Variants in GPCPD1 observed in about 807,000 individuals in gnomAD.
GPCPD1 encodes glycerophosphocholine phosphodiesterase GPCPD1.
A neutral mutation model predicts 89.2 loss-of-function variants in GPCPD1; 29 were observed. The ratio of observed to expected loss-of-function variants is 0.33; its 90% CI spans 0.24 to 0.44. The LOEUF is 0.44. Among genes scored for constraint, GPCPD1 ranks in the 20% least tolerant of loss-of-function variants. GPCPD1 has a pLI of 1.00. For synonymous variants in GPCPD1, 258 were observed against 266.3 expected (o/e 0.97, Z 0.30); for missense variants, 594 against 808.9 (o/e 0.73, Z 3.22).
At chr20:5,584,035 G>A (rs534371841) in intron 6 of GPCPD1, among the ~76,000 whole-genome samples, 1 of 152,320 alleles carries the variant, frequency 6.6e-6, no homozygotes, top group East Asian at 1.9e-4. Context: ...GCTTAACAAT[G>A]AAGATAAGTT....
At chr20:5,562,518 G>C (rs976304266) in intron 15 of GPCPD1, among the ~76,000 whole-genome samples, 1 of 152,174 alleles carries the variant, frequency 6.6e-6, no homozygotes, top group African/African-American at 2.4e-5. Flanking sequence ...CTGACCTCAG[G>C]TGATCCACCT....
chr20:5,558,169 A>G, intron 18 of GPCPD1, 64 bp from the exon 19 acceptor site: 2 of 968,512 alleles, frequency 2.1e-6, no homozygotes, highest in Non-Finnish European at 3.1e-6. Flanking sequence ...AAATGCTCAC[A>G]CTCTAAATCA....
chr20:5,609,079 T>C (rs1008907884), intron 1 of GPCPD1, among the ~76,000 whole-genome samples: 8 of 152,194 alleles, frequency 5.3e-5, no homozygotes, highest in Non-Finnish European at 1.2e-4. Flanking sequence ...TAAACCAAGG[T>C]AAAGGGACAT....
chr20:5,590,553 A>AAAAAAAAAAAAAAAAAAC (rs1979256953), intron 4 of GPCPD1, among the ~76,000 whole-genome samples: 3 of 150,862 alleles, frequency 2.0e-5, no homozygotes, highest in Non-Finnish European at 3.0e-5. Flanking sequence ...AAAAAAAAAA[A>AAAAAAAAAAAAAAAAAAC]TCTCTATTTT....
At chr20:5,547,898 T>C in intron 19 of GPCPD1, 48 bp from the exon 20 acceptor site, 1 of 1,051,484 alleles carries the variant, frequency 9.5e-7, no homozygotes, top group Non-Finnish European at 1.4e-6. Flanking sequence ...AATTTTATGG[T>C]TTACCTAAGA....
At position 5,564,973 on chromosome 20, in the gene GPCPD1, C is replaced by G. The variant is rs201253429; in HGVS notation, c.1329+44G>C. ...ACAAAAGTAAATTATTCATACATGA[C>G]AAAGTTAATGATAGCCTTGCCTTGG... On this transcript the variant is annotated intron_variant, in intron 15 of 19. Transcript: ENST00000379019. 56 of 906,906 alleles carry G rather than the reference C, an allele frequency of 6.2e-5. No individual in the cohort carries two copies. In the African/African-American group the frequency reaches 8.1e-4, roughly 13 times the overall value. The allele number at this position is 906,906 out of a possible 1,614,324, so 56.2% of individuals were successfully genotyped here.
chr20:5,557,711 A>G (rs1392169602), intron 19 of GPCPD1, among the ~76,000 whole-genome samples: 1 of 152,186 alleles, frequency 6.6e-6, no homozygotes, highest in African/African-American at 2.4e-5. Flanking sequence ...CCTCACCCCC[A>G]GGGTGATTTA....
intron 19 of GPCPD1, chr20:5,549,032 C>T: frequency 1.5e-6 from 1 of 676,624 alleles, no homozygotes; most frequent in Non-Finnish European, 2.6e-6. Context: ...TAAGTTTGAT[C>T]CTGTTGACTT....
At chr20:5,608,763 G>A (rs554534562) in intron 1 of GPCPD1, among the ~76,000 whole-genome samples, 31 of 152,152 alleles carry the variant, frequency 2.0e-4, no homozygotes, top group Non-Finnish European at 1.8e-4. Context: ...CTCACATACA[G>A]ACTACACTTC....
intron 1 of GPCPD1, among the ~76,000 whole-genome samples, 192 bp from the exon 2 acceptor site, chr20:5,604,632 G>T (rs1044564221): frequency 1.7e-5 from 1 of 57,472 alleles, no homozygotes; most frequent in Non-Finnish European, 4.2e-5. Context: ...GGGCGGGAAA[G>T]AAACAAGTGA....
rs532788976 is a variant in GPCPD1 at position 5,586,397 on chromosome 20, T to A, written c.232-128A>T. 13 of 590,508 alleles carry A rather than the reference T, an allele frequency of 2.2e-5. No homozygotes were observed. In the African/African-American group the frequency reaches 2.5e-4, roughly 11 times the overall value. 36.6% of individuals were successfully genotyped at this position (590,508 alleles called of 1,614,324 possible). Reference sequence around the variant, plus strand: ...ACCAAAAGATTCATCTTATTATCAATATTATATGCCAAAAGCCTGGAATGT... The same window carrying A: ...ACCAAAAGATTCATCTTATTATCAAAATTATATGCCAAAAGCCTGGAATGT... On this transcript the variant is annotated intron_variant, in intron 4 of 19. Coordinates refer to ENST00000379019, the MANE Select transcript of GPCPD1 (RefSeq NM_019593.5).
In GPCPD1 at chr20:5,546,754, CA is replaced by C. The variant is rs1985046911; in HGVS notation, c.*906del. On this transcript the variant is annotated 3_prime_UTR_variant, in exon 20 of 20. Coordinates refer to ENST00000379019, the MANE Select transcript of GPCPD1 (RefSeq NM_019593.5). ...TGTGTAATAGGTAGTGAGAGACACA[CA>C]AAATAAGCATATTTAAAACGCCTAC... is the stretch of plus-strand genomic sequence containing the variant. 1 of 152,322 alleles carries C rather than the reference CA, an allele frequency of 6.6e-6. No homozygotes were observed. The highest frequency in any genetic ancestry group is 2.4e-5 in the African/African-American group (1 of 41,330). 9.4% of individuals were successfully genotyped at this position (152,322 alleles called of 1,614,324 possible).
chr20:5,581,389 A>T (rs1169116833), intron 6 of GPCPD1, among the ~76,000 whole-genome samples: 2 of 152,194 alleles, frequency 1.3e-5, no homozygotes, highest in Non-Finnish European at 2.9e-5. Context: ...AATAATACAA[A>T]TCTATTTCAG....
At chr20:5,578,321 G>T in intron 8 of GPCPD1, 59 bp downstream of exon 8, 1 of 1,048,956 alleles carries the variant, frequency 9.5e-7, no homozygotes, top group Non-Finnish European at 1.5e-6. Context: ...CAAAACCAAC[G>T]TTAAAATAAG....
At chr20:5,607,742 C>T (rs923981451) in intron 1 of GPCPD1, among the ~76,000 whole-genome samples, 37 of 151,654 alleles carry the variant, frequency 2.4e-4, no homozygotes, top group African/African-American at 9.0e-4. Flanking sequence ...CACTTGAACC[C>T]AGAAGGTGGA....
At chr20:5,568,389 GATTT>G (rs756865004) in intron 12 of GPCPD1, among the ~76,000 whole-genome samples, 15 of 151,672 alleles carry the variant, frequency 9.9e-5, no homozygotes, top group African/African-American at 2.4e-4. Context: ...AAACAGGAAA[GATTT>G]ATTTCTCATT....
chr20:5,610,202 A>T lies in GPCPD1; in HGVS notation c.-29+640T>A, dbSNP rs535234971. Among the ~76,000 whole-genome samples the T allele has an allele frequency of 1.9e-3, 296 of 152,312 alleles. 3 individuals carry two copies. The highest frequency in any genetic ancestry group is 6.6e-3 in the African/African-American group (275 of 41,572). Reference sequence around the variant, plus strand: ...TCTCCTACCTCAGCAAGGCAGTCTGAAGAGCTTTGGGAAAAGTAGAGCTTT... The same window carrying T: ...TCTCCTACCTCAGCAAGGCAGTCTGTAGAGCTTTGGGAAAAGTAGAGCTTT... On this transcript the variant is annotated intron_variant, in intron 1 of 19. Transcript: ENST00000379019.
chr20:5,577,062 T>G (rs1298663033), intron 8 of GPCPD1, among the ~76,000 whole-genome samples: 1 of 114,466 alleles, frequency 8.7e-6, no homozygotes, highest in African/African-American at 3.6e-5. Context: ...TGTTTTTTTT[T>G]TTGTTTTTTT....
chr20:5,589,125 A>C (rs1979145050), intron 4 of GPCPD1, among the ~76,000 whole-genome samples: 1 of 152,230 alleles, frequency 6.6e-6, no homozygotes, highest in Non-Finnish European at 1.5e-5. Flanking sequence ...GGAACAGTCC[A>C]AAGGGCCAGG....
Sources: allele counts gnomAD v4.1 joint callset (sites outside exome capture counted in the v4.1 genomes callset), GRCh38; gene constraint gnomAD v4.1.1; transcripts MANE v1.5; gene names NCBI Gene and HGNC (gene_info 2026-07-23, HGNC 2026-07-21).